ATG7: variants seen among roughly 807,000 people sequenced by gnomAD.
ATG7 encodes ubiquitin-like modifier-activating enzyme ATG7.
Under a neutral mutation model 82.4 loss-of-function variants are expected in ATG7, and 70 were observed. The ratio of observed to expected loss-of-function variants is 0.85; its 90% CI spans 0.70 to 1.04. The LOEUF is 1.04. Ranked by LOEUF, ATG7 falls within the 50% of genes least tolerant of loss-of-function variation. The pLI is 0.00. For synonymous variants in ATG7, 287 were observed against 313.0 expected (o/e 0.92, Z 0.88); for missense variants, 792 against 864.3 (o/e 0.92, Z 1.05).
chr3:11,330,250 G>A (rs992359449), intron 9 of ATG7, among the ~76,000 whole-genome samples: 1 of 152,110 alleles, frequency 6.6e-6, no homozygotes, highest in Non-Finnish European at 1.5e-5. Flanking sequence ...CTTTAAGGAG[G>A]GGAAGGTTTA....
Position 11,373,968 on chromosome 3 carries a change from T to A in ATG7, c.1876-6004T>A, listed in dbSNP as rs111771426. The stretch of plus-strand genomic sequence containing the variant: ...CTTTGGGTTTTTGTTTACTTGTTTA[T>A]TCATTTCATAATTTATTGTCTTACG... On this transcript the variant is annotated intron_variant, in intron 18 of 20. Coordinates refer to ENST00000693202, the MANE Select transcript of ATG7 (RefSeq NM_001349232.2). Among the ~76,000 whole-genome samples, 340 of 152,362 alleles carry A rather than the reference T, an allele frequency of 2.2e-3. 1 individual carries two copies. The highest frequency in any genetic ancestry group is 7.8e-3 in the African/African-American group (324 of 41,590).
chr3:11,375,505 G>A (rs1235638900), intron 18 of ATG7, among the ~76,000 whole-genome samples: 2 of 152,168 alleles, frequency 1.3e-5, no homozygotes, highest in Non-Finnish European at 2.9e-5. Context: ...GACAACAACA[G>A]GTGTTGACAA....
intron 19 of ATG7, among the ~76,000 whole-genome samples, chr3:11,417,537 C>T (rs541724311): frequency 2.9e-4 from 44 of 152,000 alleles, no homozygotes; most frequent in African/African-American, 8.9e-4. Context: ...TTTCCATCTA[C>T]GTTTAATGAA....
chr3:11,348,539 T>C (rs996724951), intron 14 of ATG7: 2 of 153,212 alleles, frequency 1.3e-5, no homozygotes, highest in African/African-American at 4.8e-5. Flanking sequence ...GTTTGGTGGG[T>C]TCATAGTCTC....
At chr3:11,438,253 C>T (rs2083544752) in intron 20 of ATG7, among the ~76,000 whole-genome samples, 1 of 152,178 alleles carries the variant, frequency 6.6e-6, no homozygotes, top group Non-Finnish European at 1.5e-5. Flanking sequence ...CAGCCCTGAG[C>T]AGTGGTTCCC....
chr3:11,372,616 C>G (rs566838108), intron 18 of ATG7, among the ~76,000 whole-genome samples: 1 of 151,036 alleles, frequency 6.6e-6, no homozygotes, highest in South Asian at 2.1e-4. Flanking sequence ...GTTCATCTCC[C>G]CACCCTCAGC....
the ATG7 span, chr3:11,568,507 C>T: frequency 4.2e-4 from 619 of 1,484,854 alleles, 9 homozygotes; most frequent in East Asian, 0.014. The surrounding 1 kb of genome is among the most constrained non-coding windows in gnomAD (Gnocchi z 5.9). Flanking sequence ...TGGAACACAG[C>T]ACAGTGGGCA....
rs780442531 is a variant in ATG7, at chr3:11,308,968, TTTC to T, written c.334-7_334-5del. The T allele has an allele frequency of 4.3e-6, 7 of 1,610,312 alleles. 1 individual carries two copies. Among genetic ancestry groups the T allele is most frequent in the South Asian group, 3.3e-5 (3 of 91,012 alleles). On this transcript the variant is annotated splice_polypyrimidine_tract_variant and intron_variant, in intron 6 of 20. Transcript: ENST00000693202. Reference sequence around the variant, plus strand: ...ATGCCTGGTAACCTGCCTTGATGCTTTTCTTCTTCTTGCAGATATGGGAATCCA... The same window carrying T: ...ATGCCTGGTAACCTGCCTTGATGCTTTTCTTCTTGCAGATATGGGAATCCA...
intron 5 of ATG7, among the ~76,000 whole-genome samples, chr3:11,306,648 C>G (rs1947793108): frequency 6.6e-6 from 1 of 152,096 alleles, no homozygotes; most frequent in Non-Finnish European, 1.5e-5. Context: ...ATATTTCCCT[C>G]AGGTTAAAGG....
intron 11 of ATG7, 139 bp from the exon 12 acceptor site, chr3:11,340,506 T>C: frequency 1.5e-6 from 1 of 681,870 alleles, no homozygotes; most frequent in Non-Finnish European, 2.4e-6. Context: ...TCAAGTCTCT[T>C]TTAGAAAGAA....
the ATG7 span, among the ~76,000 whole-genome samples, chr3:11,575,738 A>C: frequency 6.6e-6 from 1 of 152,190 alleles, no homozygotes; most frequent in Non-Finnish European, 1.5e-5. Context: ...TGGCCCAAAA[A>C]GCCAGGTGGC....
At chr3:11,560,061 C>T (rs1426982977), downstream of ATG7, among the ~76,000 whole-genome samples, 1 of 152,130 alleles carries the variant, frequency 6.6e-6, no homozygotes, top group Admixed American at 6.5e-5. Flanking sequence ...CCTTCACCCC[C>T]ACCCCCACGC....
intron 11 of ATG7, among the ~76,000 whole-genome samples, chr3:11,333,494 C>T (rs1472689917): frequency 3.9e-5 from 6 of 152,084 alleles, no homozygotes; most frequent in African/African-American, 1.4e-4. Flanking sequence ...TATAGTAAAC[C>T]AGTCAGGAAA....
intron 20 of ATG7, among the ~76,000 whole-genome samples, chr3:11,551,089 C>T (rs2071731633): frequency 6.6e-6 from 1 of 152,160 alleles, no homozygotes; most frequent in African/African-American, 2.4e-5. Flanking sequence ...GATGGCACTC[C>T]CCAGGCCATT....
At chr3:11,458,073 A>C (rs1476692340) in intron 20 of ATG7, among the ~76,000 whole-genome samples, 1 of 152,284 alleles carries the variant, frequency 6.6e-6, no homozygotes, top group African/African-American at 2.4e-5. Context: ...TCTAAAATAC[A>C]TTGATTTTTA....
chr3:11,384,954 A>C lies in ATG7; in HGVS notation c.1956+4902A>C, dbSNP rs545617764. Among the ~76,000 whole-genome samples, 27 of 152,324 alleles carry C rather than the reference A, an allele frequency of 1.8e-4. No individual in the cohort carries two copies. The South Asian group carries it at 3.5e-3, about 20-fold the overall frequency. On this transcript the variant is annotated intron_variant, in intron 19 of 20. Transcript: ENST00000693202. ...CAAGACTCTGTCATGCCCATGCCCC[A>C]AAACCCCCGCCAGAAAGAAGCATGA...
intron 20 of ATG7, among the ~76,000 whole-genome samples, chr3:11,427,558 CTATA>C: frequency 1.3e-5 from 2 of 150,792 alleles, no homozygotes; most frequent in East Asian, 3.9e-4. Flanking sequence ...TGGCTCATGC[CTATA>C]ATCCAAGCAC....
intron 11 of ATG7, among the ~76,000 whole-genome samples, chr3:11,335,378 T>A (rs1486335878): frequency 6.6e-6 from 1 of 152,126 alleles, no homozygotes; most frequent in African/African-American, 2.4e-5. Flanking sequence ...TAATGATAGC[T>A]GATGAGCTAA....
Position 11,557,436 on chromosome 3 carries a change from G to T in ATG7, c.*2593G>T, listed in dbSNP as rs546249318. ...CAAACCCCACCTCCCCTGGGAGCTTGTAACAAAGCAGACAGGGATGCAAAA... is the reference window on the plus strand; with the variant it reads ...CAAACCCCACCTCCCCTGGGAGCTTTTAACAAAGCAGACAGGGATGCAAAA... On this transcript the variant is annotated 3_prime_UTR_variant, in exon 21 of 21. Coordinates refer to ENST00000693202, the MANE Select transcript of ATG7 (RefSeq NM_001349232.2). The T allele has an allele frequency of 3.3e-5, 5 of 152,820 alleles. No homozygotes were observed. The highest frequency in any genetic ancestry group is 3.3e-4 in the Admixed American group (5 of 15,302). The allele number at this position is 152,820 out of a possible 1,614,324, so 9.5% of individuals were successfully genotyped here. A position where few individuals can be genotyped will look rare whatever the true frequency, so the allele number is the denominator to read the frequency against.
Sources: allele counts gnomAD v4.1 joint callset (sites outside exome capture counted in the v4.1 genomes callset), GRCh38; gene constraint gnomAD v4.1.1; non-coding constraint Gnocchi (gnomAD v3.1); transcripts MANE v1.5; gene names NCBI Gene and HGNC (gene_info 2026-07-23, HGNC 2026-07-21).